Variants in MTM1 observed in about 807,000 individuals in gnomAD.
The protein encoded by MTM1 is myotubularin 1, also known as myotubularin.
A neutral mutation model predicts 52.1 loss-of-function variants in MTM1; 9 were observed. That is an observed-to-expected ratio of 0.17 (90% confidence interval 0.10 to 0.30). MTM1 has a LOEUF of 0.30. MTM1 is among the 10% of genes least tolerant of loss of function. The pLI is 1.00. For missense variants in MTM1, 277 were observed against 470.7 expected (o/e 0.59, Z 3.81); for synonymous variants, 136 against 163.8 (o/e 0.83, Z 1.29).
At chrX:150,613,456 C>T (rs367621809) in intron 4 of MTM1, among the ~76,000 whole-genome samples, 2 of 111,333 alleles carry the variant, frequency 1.8e-5, no homozygotes, top group South Asian at 3.7e-4. Context: ...TTTTTTCTAC[C>T]CTGTTATCTA....
the MTM1 span, among the ~76,000 whole-genome samples, chrX:150,562,977 GCTCT>G: frequency 2.7e-5 from 3 of 111,476 alleles, no homozygotes; most frequent in South Asian, 1.1e-3. Context: ...CAAGGGTAAT[GCTCT>G]CTCTGTCTGG....
intron 6 of MTM1, among the ~76,000 whole-genome samples, chrX:150,619,553 T>C (rs1247296207): frequency 8.9e-6 from 1 of 112,476 alleles, no homozygotes; most frequent in Non-Finnish European, 1.9e-5. Flanking sequence ...TGCATTTAAT[T>C]AGTTGTAATC....
chrX:150,565,983 T>C (rs1464320475), upstream of MTM1, among the ~76,000 whole-genome samples: 1 of 93,175 alleles, frequency 1.1e-5, no homozygotes, highest in Admixed American at 1.3e-4. Flanking sequence ...CAGGGAAGCC[T>C]GAAGATTCCT....
chrX:150,628,433 A>C (rs781807698), intron 6 of MTM1, among the ~76,000 whole-genome samples: 1 of 111,188 alleles, frequency 9.0e-6, no homozygotes, highest in South Asian at 3.8e-4. Context: ...TACCATCTAG[A>C]CATGGGTTTT....
At chrX:150,630,093 T>G (rs1338784370) in intron 6 of MTM1, among the ~76,000 whole-genome samples, 1 of 110,631 alleles carries the variant, frequency 9.0e-6, no homozygotes, top group East Asian at 2.8e-4. Flanking sequence ...TGGGAAGACA[T>G]TCTTCTTCTT....
At chrX:150,591,587 G>A (rs2038886632) in intron 1 of MTM1, among the ~76,000 whole-genome samples, 1 of 112,885 alleles carries the variant, frequency 8.9e-6, no homozygotes, top group African/African-American at 3.2e-5. Flanking sequence ...AATCCCACTA[G>A]ATTTTGTGCC....
intron 6 of MTM1, among the ~76,000 whole-genome samples, chrX:150,631,819 T>C (rs1352190639): frequency 9.0e-6 from 1 of 111,685 alleles, no homozygotes; most frequent in African/African-American, 3.3e-5. Context: ...TTTCTTCCCC[T>C]CTTGTTGCAA....
At chrX:150,572,311 A>G (rs1417975807) in intron 1 of MTM1, among the ~76,000 whole-genome samples, 5 of 111,691 alleles carry the variant, frequency 4.5e-5, no homozygotes, top group African/African-American at 1.6e-4. Context: ...AGCCCTTTGT[A>G]AAGTGTGCAG....
chrX:150,646,245 G>T (rs2039929370), intron 9 of MTM1, among the ~76,000 whole-genome samples: 1 of 111,802 alleles, frequency 8.9e-6, no homozygotes, highest in Admixed American at 9.5e-5. Flanking sequence ...TACTAAATTT[G>T]CATGCTTACT....
intron 3 of MTM1, 93 bp downstream of exon 3, chrX:150,596,663 C>G (rs868947166): frequency 1.4e-6 from 1 of 691,461 alleles, no homozygotes. Flanking sequence ...AGCAGTCAGG[C>G]TTAGACAAAT....
At position 150,592,258 on chromosome X, in the gene MTM1, C is replaced by G. The variant is rs372980547; in HGVS notation, c.-10-347C>G. The stretch of plus-strand genomic sequence containing the variant: ...AAATAAGGAGTATGGAAATTTGAGG[C>G]CTGTTGCACAATTAATAAACATTAA... On this transcript the variant is annotated intron_variant, in intron 1 of 14. Transcript: ENST00000370396. Among the ~76,000 whole-genome samples, 35 of 111,618 alleles carry G rather than the reference C, an allele frequency of 3.1e-4. 1 individual carries two copies. The highest frequency in any genetic ancestry group is 1.1e-3 in the African/African-American group (33 of 30,696).
intron 6 of MTM1, among the ~76,000 whole-genome samples, chrX:150,625,857 G>A (rs782157358): frequency 8.9e-6 from 1 of 112,744 alleles, no homozygotes; most frequent in South Asian, 3.7e-4. Context: ...CACAGGTGAG[G>A]TAACTTGCTC....
At chrX:150,622,327 T>C (rs782398315) in intron 6 of MTM1, among the ~76,000 whole-genome samples, 13 of 111,921 alleles carry the variant, frequency 1.2e-4, no homozygotes, top group Admixed American at 4.7e-4. Context: ...AAGATACAGA[T>C]TGAAACAGAT....
chrX:150,612,540 A>T (rs1452853949), intron 4 of MTM1, among the ~76,000 whole-genome samples: 3 of 110,153 alleles, frequency 2.7e-5, no homozygotes, highest in Non-Finnish European at 3.8e-5. Flanking sequence ...TCTACAAAAA[A>T]TACAAAATAA....
chrX:150,596,911 G>A, intron 3 of MTM1: 1 of 181,282 alleles, frequency 5.5e-6, no homozygotes, highest in Non-Finnish European at 1.0e-5. Flanking sequence ...AATGATGCAT[G>A]CTTTAAAATG....
chrX:150,629,007 A>G (rs1347473367), intron 6 of MTM1, among the ~76,000 whole-genome samples: 5 of 111,076 alleles, frequency 4.5e-5, no homozygotes, highest in African/African-American at 1.6e-4. Context: ...TACTAAATCC[A>G]GGGGATTCTG....
intron 11 of MTM1, among the ~76,000 whole-genome samples, chrX:150,658,355 G>A (rs891053273): frequency 1.1e-4 from 12 of 111,761 alleles, no homozygotes; most frequent in Non-Finnish European, 1.9e-4. Flanking sequence ...TAGACTTTTA[G>A]TTGAGGCTTT....
At chrX:150,639,290 A>G (rs1162230896) in intron 7 of MTM1, among the ~76,000 whole-genome samples, 1 of 109,826 alleles carries the variant, frequency 9.1e-6, no homozygotes, top group Non-Finnish European at 1.9e-5. Context: ...AAGAGCATCA[A>G]TTCTGTGTTG....
At position 150,662,639 on chromosome X, in the gene MTM1, T is replaced by A. The variant is rs1315676389; in HGVS notation, c.1468-794T>A. ...ACACCCGGCCACGAAATTTCTTTAG[T>A]CACTTATTTTGGGATGTTCTTTTTG... On this transcript the variant is annotated intron_variant, in intron 13 of 14. Coordinates refer to ENST00000370396, the MANE Select transcript of MTM1 (RefSeq NM_000252.3). Among the ~76,000 whole-genome samples the A allele has an allele frequency of 3.6e-5, 4 of 112,515 alleles. No individual in the cohort carries two copies. The East Asian group carries it at 1.1e-3, about 31-fold the overall frequency.
Sources: allele counts gnomAD v4.1 joint callset (sites outside exome capture counted in the v4.1 genomes callset), GRCh38; gene constraint gnomAD v4.1.1; transcripts MANE v1.5; gene names NCBI Gene and HGNC (gene_info 2026-07-23, HGNC 2026-07-21).